The following ADGRL3 variants were observed in gnomAD, a reference collection of about 807,000 sequenced individuals.
ADGRL3 encodes the protein calcium-independent alpha-latrotoxin receptor 3.
A neutral mutation model predicts 153.5 loss-of-function variants in ADGRL3; 62 were observed. The ratio of observed to expected loss-of-function variants is 0.40; its 90% CI spans 0.33 to 0.50. The LOEUF is 0.50. Among genes scored for constraint, ADGRL3 ranks in the 20% least tolerant of loss-of-function variants. The pLI is 0.47. For missense variants in ADGRL3, 1,641 were observed against 1,859.4 expected (o/e 0.88, Z 2.16); for synonymous variants, 710 against 672.5 (o/e 1.06, Z -0.86).
In ADGRL3 at chr4:61,274,245, A is replaced by G. The variant is rs116518570; in HGVS notation, c.-240+72480A>G. Among the ~76,000 whole-genome samples the G allele has an allele frequency of 1.4e-3, 206 of 152,340 alleles. 2 individuals are homozygous for G. The highest frequency in any genetic ancestry group is 4.6e-3 in the African/African-American group (192 of 41,580). On this transcript the variant is annotated intron_variant, in intron 1 of 26. Transcript: ENST00000683033. ...CTACCTTTCGTCATGAAGAATCTCTAACAGTTTAATGAGCAAATATAAAAA... is the reference window on the plus strand; with the variant it reads ...CTACCTTTCGTCATGAAGAATCTCTGACAGTTTAATGAGCAAATATAAAAA...
chr4:61,241,912 A>G (rs867927566), intron 1 of ADGRL3, among the ~76,000 whole-genome samples: 2 of 152,088 alleles, frequency 1.3e-5, no homozygotes, highest in African/African-American at 2.4e-5. Flanking sequence ...TGATAATGCA[A>G]TTCCTTGCTT....
intron 9 of ADGRL3, among the ~76,000 whole-genome samples, chr4:61,834,135 T>C (rs991138914): frequency 6.8e-5 from 4 of 58,748 alleles, no homozygotes; most frequent in South Asian, 6.1e-4. Flanking sequence ...CAACAGGCCC[T>C]GGTGTGTGAT....
At chr4:61,780,199 C>A (rs538490980) in intron 8 of ADGRL3, among the ~76,000 whole-genome samples, 3 of 152,176 alleles carry the variant, frequency 2.0e-5, no homozygotes, top group Non-Finnish European at 4.4e-5. Context: ...TGTGTCCTCA[C>A]AGAATTACTG....
chr4:61,579,490 G>A, intron 4 of ADGRL3: 1 of 390,016 alleles, frequency 2.6e-6, no homozygotes, highest in Non-Finnish European at 5.0e-6. Flanking sequence ...ATAGTAAGTA[G>A]ATATGAAATG....
chr4:62,018,820 C>T (rs947890080), intron 21 of ADGRL3, among the ~76,000 whole-genome samples: 2 of 152,046 alleles, frequency 1.3e-5, no homozygotes, highest in Non-Finnish European at 2.9e-5. Flanking sequence ...GCAGTAGGTA[C>T]GGTATTTGTA....
intron 1 of ADGRL3, among the ~76,000 whole-genome samples, chr4:61,368,616 G>C (rs1300761472): frequency 6.6e-6 from 1 of 151,956 alleles, no homozygotes; most frequent in African/African-American, 2.4e-5. Flanking sequence ...GTACCATGCT[G>C]TTTTGGTTAC....
intron 2 of ADGRL3, among the ~76,000 whole-genome samples, chr4:61,403,252 A>G (rs1449965235): frequency 1.3e-5 from 2 of 152,134 alleles, no homozygotes. Flanking sequence ...AATGAGATTA[A>G]TAGTGGCTGA....
intron 2 of ADGRL3, among the ~76,000 whole-genome samples, chr4:61,477,085 T>TA (rs936045097): frequency 1.3e-5 from 2 of 152,122 alleles, no homozygotes; most frequent in Non-Finnish European, 2.9e-5. Flanking sequence ...ATACGTAATT[T>TA]AAAAAAAGAT....
At chr4:61,718,286 A>T (rs181759253) in intron 6 of ADGRL3, among the ~76,000 whole-genome samples, 1 of 152,294 alleles carries the variant, frequency 6.6e-6, no homozygotes. Context: ...TAATACAAAT[A>T]AAGTTGTACC....
chr4:61,732,653 A>C, intron 7 of ADGRL3, 101 bp from the exon 8 acceptor site: 1 of 536,540 alleles, frequency 1.9e-6, no homozygotes, highest in Non-Finnish European at 3.0e-6. Context: ...GATGGTGGGT[A>C]TCTCTTGTTA....
chr4:61,343,734 G>A (rs555224110), intron 1 of ADGRL3, among the ~76,000 whole-genome samples: 2 of 152,210 alleles, frequency 1.3e-5, no homozygotes, highest in South Asian at 2.1e-4. Flanking sequence ...TATCTTAAAG[G>A]CTCTGTGAAT....
At chr4:61,381,992 A>G (rs2096674422) in intron 1 of ADGRL3, among the ~76,000 whole-genome samples, 2 of 151,998 alleles carry the variant, frequency 1.3e-5, no homozygotes, top group Non-Finnish European at 1.5e-5. Flanking sequence ...TGAACAAAAT[A>G]TAACGCTTTT....
rs138068603 is a variant in ADGRL3, at chr4:61,542,066, C to G, written c.259+24548C>G. On this transcript the variant is annotated intron_variant, in intron 4 of 26. Coordinates refer to ENST00000683033, the MANE Select transcript of ADGRL3 (RefSeq NM_001387552.1). ...CTCTTTTTTCCTGATAATTTTTAAT[C>G]TAAGTTAACTATATAGATTTTTAGG... 6.3e-3 allele frequency among the ~76,000 whole-genome samples: 959 copies of G among 152,186 alleles called. 14 individuals carry two copies. Among genetic ancestry groups the G allele is most frequent in the Non-Finnish European group, 7.4e-3 (504 of 68,020 alleles).
intron 1 of ADGRL3, among the ~76,000 whole-genome samples, chr4:61,263,708 A>G (rs2092685573): frequency 6.6e-6 from 1 of 151,990 alleles, no homozygotes; most frequent in Admixed American, 6.6e-5. Context: ...CTGTCCATCA[A>G]AATTGTGGGC....
intron 2 of ADGRL3, among the ~76,000 whole-genome samples, chr4:61,407,073 C>T (rs2097010175): frequency 6.6e-6 from 1 of 151,982 alleles, no homozygotes; most frequent in Non-Finnish European, 1.5e-5. Flanking sequence ...AATAATTATA[C>T]AAATAATTCA....
At chr4:61,650,098 T>C (rs1019681376) in intron 5 of ADGRL3, among the ~76,000 whole-genome samples, 2 of 152,178 alleles carry the variant, frequency 1.3e-5, no homozygotes, top group African/African-American at 4.8e-5. Context: ...CGGAACATTT[T>C]AGGGCAACTA....
At chr4:61,676,789 T>A (rs1204225833) in intron 5 of ADGRL3, 37 bp from the exon 6 acceptor site, 1 of 1,357,880 alleles carries the variant, frequency 7.4e-7, no homozygotes, top group Non-Finnish European at 1.1e-6. Context: ...TAACTTTGCA[T>A]AAGCTTACTA....
At chr4:61,362,539 T>C (rs144558593) in intron 1 of ADGRL3, among the ~76,000 whole-genome samples, 45 of 152,202 alleles carry the variant, frequency 3.0e-4, no homozygotes, top group African/African-American at 1.0e-3. Context: ...AATCAACACA[T>C]ATTTTATAGG....
chr4:61,556,254 A>G (rs2098766063), intron 4 of ADGRL3, among the ~76,000 whole-genome samples: 1 of 152,154 alleles, frequency 6.6e-6, no homozygotes, highest in African/African-American at 2.4e-5. Context: ...TGCAAATATA[A>G]AGAATATAGT....
Sources: allele counts gnomAD v4.1 joint callset (sites outside exome capture counted in the v4.1 genomes callset), GRCh38; gene constraint gnomAD v4.1.1; transcripts MANE v1.5; gene names NCBI Gene and HGNC (gene_info 2026-07-23, HGNC 2026-07-21).